RXFP1: variants seen among roughly 807,000 people sequenced by gnomAD.
The protein encoded by RXFP1 is relaxin receptor 1.
RXFP1 carries 73 observed loss-of-function variants against 89.8 expected under a neutral mutation model. The ratio of observed to expected loss-of-function variants is 0.81; its 90% confidence interval spans 0.67 to 0.99. The LOEUF (loss-of-function observed/expected upper bound fraction) is 0.99. Among genes scored for constraint, RXFP1 ranks in the 50% least tolerant of loss-of-function variants. The probability of loss-of-function intolerance (pLI) is 0.00; values close to 1 mark genes in which losing one functional copy is unlikely to be tolerated. For synonymous variants in RXFP1, 277 were observed against 305.5 expected (o/e 0.91, Z 0.97); for missense variants, 793 against 895.5 (o/e 0.89, Z 1.46).
chr4:158,568,026 C>T (rs1472137084), intron 1 of RXFP1, among the ~76,000 whole-genome samples: 1 of 152,182 alleles, frequency 6.6e-6, no homozygotes, highest in Non-Finnish European at 1.5e-5. Flanking sequence ...CTCCTGAAGC[C>T]ATCAAGACCA....
chr4:158,559,699 C>G (rs1035967673), intron 1 of RXFP1, among the ~76,000 whole-genome samples: 1 of 152,164 alleles, frequency 6.6e-6, no homozygotes, highest in Non-Finnish European at 1.5e-5. Flanking sequence ...GATGGTATCA[C>G]GCAAACTAGG....
intron 1 of RXFP1, among the ~76,000 whole-genome samples, chr4:158,558,450 G>A (rs185084310): frequency 1.3e-5 from 2 of 152,294 alleles, no homozygotes; most frequent in African/African-American, 4.8e-5. Context: ...GGGTAGAGTA[G>A]GGCACATGTG....
intron 11 of RXFP1, among the ~76,000 whole-genome samples, chr4:158,630,244 G>A (rs182825477): frequency 1.3e-5 from 2 of 152,194 alleles, no homozygotes; most frequent in East Asian, 1.9e-4. Flanking sequence ...ACTTTTGGTG[G>A]TCAGTACCAA....
intron 1 of RXFP1, among the ~76,000 whole-genome samples, chr4:158,556,642 C>G (rs961225064): frequency 6.6e-6 from 1 of 152,096 alleles, no homozygotes; most frequent in Non-Finnish European, 1.5e-5. Context: ...TTTGCAATAA[C>G]CAGGGTGAGG....
intron 15 of RXFP1, 52 bp downstream of exon 15, chr4:158,645,190 T>C: frequency 1.5e-6 from 2 of 1,367,724 alleles, no homozygotes; most frequent in Non-Finnish European, 2.1e-6. Flanking sequence ...ATACAAAAGC[T>C]TTATTATTAG....
intron 2 of RXFP1, among the ~76,000 whole-genome samples, chr4:158,591,546 C>A (rs532920570): frequency 7.1e-6 from 1 of 141,528 alleles, no homozygotes. Flanking sequence ...CCGAGAAGTT[C>A]AAGACCAGCC....
chr4:158,539,020 T>C (rs1296418066), intron 1 of RXFP1, among the ~76,000 whole-genome samples: 1 of 152,092 alleles, frequency 6.6e-6, no homozygotes, highest in Non-Finnish European at 1.5e-5. Flanking sequence ...GAGAGTATGA[T>C]GGAAGAGGGA....
At chr4:158,544,255 A>C (rs538425549) in intron 1 of RXFP1, 1 of 985,280 alleles carries the variant, frequency 1.0e-6, no homozygotes, top group Admixed American at 6.1e-5. Flanking sequence ...ATTTACATAC[A>C]TCATGTTTGT....
intron 1 of RXFP1, among the ~76,000 whole-genome samples, chr4:158,568,185 A>G (rs888930382): frequency 6.6e-6 from 1 of 152,030 alleles, no homozygotes; most frequent in Non-Finnish European, 1.5e-5. Context: ...GAACATCAGA[A>G]CTCTAGACTC....
intron 17 of RXFP1, 88 bp from the exon 18 acceptor site, chr4:158,651,669 G>C: frequency 1.0e-6 from 1 of 980,180 alleles, no homozygotes; most frequent in Non-Finnish European, 1.5e-6. Flanking sequence ...ACTCAAAAAG[G>C]GGTTGGGATG....
chr4:158,605,608 G>A (rs1020458166), intron 5 of RXFP1, among the ~76,000 whole-genome samples: 1 of 152,136 alleles, frequency 6.6e-6, no homozygotes, highest in African/African-American at 2.4e-5. Flanking sequence ...TGTTGTCTTG[G>A]AGACTTGATT....
chr4:158,619,383 G>A (rs538348605), intron 9 of RXFP1, among the ~76,000 whole-genome samples: 1 of 152,174 alleles, frequency 6.6e-6, no homozygotes, highest in Non-Finnish European at 1.5e-5. Flanking sequence ...ATTCTAACAA[G>A]CAACAAGAAG....
intron 2 of RXFP1, among the ~76,000 whole-genome samples, chr4:158,586,341 A>G (rs1350893026): frequency 6.6e-6 from 1 of 152,244 alleles, no homozygotes; most frequent in African/African-American, 2.4e-5. Context: ...GCATGACTAT[A>G]TCATTTTTAG....
At chr4:158,569,631 G>A (rs115594482) in intron 1 of RXFP1, among the ~76,000 whole-genome samples, 11 of 152,160 alleles carry the variant, frequency 7.2e-5, no homozygotes, top group Admixed American at 3.3e-4. Flanking sequence ...GTCAGAATAG[G>A]ATGGTTATGT....
At position 158,638,054 on chromosome 4, in the gene RXFP1, G is replaced by T. The variant is rs1420954940; in HGVS notation, c.1018G>T (p.Asp340Tyr). ...CCAGAAAATTCAAGCAAACCAATTT[G>T]ATTATCTTGTCAAACTCAAGTCTCT... is the stretch of plus-strand genomic sequence containing the variant. ...PIQKIQANQF[D>Y]YLVKLKSLSL... Residue 340 changes from aspartate (D) to tyrosine (Y), a missense_variant, in exon 13 of 18, where the codon GAT becomes TAT. Asp to Tyr is a radical substitution (Grantham distance 160). Coordinates refer to ENST00000307765, the MANE Select transcript of RXFP1 (RefSeq NM_021634.4). The T allele has an allele frequency of 1.9e-5, 31 of 1,603,586 alleles. No individual in the cohort carries two copies. Among genetic ancestry groups the T allele is most frequent in the Non-Finnish European group, 2.6e-5 (31 of 1,171,896 alleles).
chr4:158,573,378 G>C (rs1314657703), intron 2 of RXFP1, among the ~76,000 whole-genome samples: 1 of 152,184 alleles, frequency 6.6e-6, no homozygotes, highest in African/African-American at 2.4e-5. Context: ...TGCTCACAGA[G>C]TAAGTTTTAA....
At chr4:158,626,996 T>C (rs1380360881) in intron 10 of RXFP1, 105 bp downstream of exon 10, 1 of 506,750 alleles carries the variant, frequency 2.0e-6, no homozygotes, top group Non-Finnish European at 3.3e-6. Context: ...ATCAAGAGTC[T>C]GTTGTTGGAT....
chr4:158,567,943 T>G (rs959576120), intron 1 of RXFP1, among the ~76,000 whole-genome samples: 17 of 152,254 alleles, frequency 1.1e-4, no homozygotes, highest in African/African-American at 3.9e-4. Flanking sequence ...CAATAAATCT[T>G]GCAGCTGCTC....
At chr4:158,561,726 C>T (rs1035894990) in intron 1 of RXFP1, among the ~76,000 whole-genome samples, 2 of 144,580 alleles carry the variant, frequency 1.4e-5, no homozygotes, top group African/African-American at 5.2e-5. Flanking sequence ...CTCCCGGGTT[C>T]AAGTGATTCT....
Sources: gnomAD v4.1 joint callset for allele counts (sites outside exome capture counted in the v4.1 genomes callset) on GRCh38, gnomAD v4.1.1 for gene constraint, MANE v1.5 for transcripts, NCBI Gene and HGNC (gene_info 2026-07-23, HGNC 2026-07-21) for gene names.